Variants in GNAQ observed in about 807,000 individuals in gnomAD.
GNAQ encodes G protein subunit alpha q.
Under a neutral mutation model 43.9 loss-of-function variants are expected in GNAQ, and 8 were observed. The ratio of observed to expected loss-of-function variants is 0.18; its 90% CI spans 0.11 to 0.33. The LOEUF (loss-of-function observed/expected upper bound fraction) is 0.33, where lower values mean the gene tolerates loss of function less well. Ranked by LOEUF, GNAQ falls within the 10% of genes least tolerant of loss-of-function variation. The pLI, the probability that GNAQ is intolerant of heterozygous loss-of-function variation, is 1.00. For missense variants in GNAQ, 158 were observed against 450.8 expected (o/e 0.35, Z 5.88); for synonymous variants, 155 against 170.7 (o/e 0.91, Z 0.71).
chr9:77,739,448 T>C (rs941494249), intron 5 of GNAQ, among the ~76,000 whole-genome samples: 3 of 152,364 alleles, frequency 2.0e-5, no homozygotes, highest in Admixed American at 6.5e-5. Context: ...TCATTAACCA[T>C]GATTTTAATG....
rs561408567 is a variant in GNAQ, at chr9:77,796,310, G to C, written c.605+1210C>G. Reference sequence around the variant, plus strand: ...GGAATGAAGGTGGGCCTGCTAATCAGAATCACTTGGCAGAGTGACACAGGA... The same window carrying C: ...GGAATGAAGGTGGGCCTGCTAATCACAATCACTTGGCAGAGTGACACAGGA... On this transcript the variant is annotated intron_variant, in intron 4 of 6. Coordinates refer to ENST00000286548, the MANE Select transcript of GNAQ (RefSeq NM_002072.5). Among the ~76,000 whole-genome samples, 14 of 152,284 alleles carry C rather than the reference G, an allele frequency of 9.2e-5. No homozygotes were observed. In the East Asian group the frequency reaches 2.7e-3, roughly 29 times the overall value.
intron 2 of GNAQ, among the ~76,000 whole-genome samples, chr9:77,905,147 GC>G (rs1224198460): frequency 6.6e-6 from 1 of 152,160 alleles, no homozygotes; most frequent in Non-Finnish European, 1.5e-5. Context: ...TCCAGAAGTT[GC>G]CCATTCATTG....
intron 3 of GNAQ, among the ~76,000 whole-genome samples, chr9:77,800,852 GA>G (rs1470568686): frequency 1.3e-5 from 2 of 152,090 alleles, no homozygotes; most frequent in African/African-American, 4.8e-5. Context: ...TGTACATTTC[GA>G]AATCCACAAG....
At chr9:77,961,449 T>C (rs1823106262) in intron 1 of GNAQ, among the ~76,000 whole-genome samples, 1 of 152,106 alleles carries the variant, frequency 6.6e-6, no homozygotes, top group African/African-American at 2.4e-5. Flanking sequence ...TCTTGAGATG[T>C]GCAGAAGGGT....
chr9:77,887,356 T>C (rs933323609), intron 2 of GNAQ, among the ~76,000 whole-genome samples: 1 of 152,224 alleles, frequency 6.6e-6, no homozygotes, highest in African/African-American at 2.4e-5. Context: ...CCTATTCTTT[T>C]AGTCTGTAAT....
intron 1 of GNAQ, among the ~76,000 whole-genome samples, chr9:78,001,254 T>G (rs952746245): frequency 5.3e-5 from 8 of 151,690 alleles, no homozygotes; most frequent in African/African-American, 1.9e-4. Context: ...AAAAAAAAAT[T>G]GCCAGGCTTG....
At chr9:77,800,585 T>C (rs546297215) in intron 3 of GNAQ, among the ~76,000 whole-genome samples, 2 of 152,092 alleles carry the variant, frequency 1.3e-5, no homozygotes, top group Non-Finnish European at 2.9e-5. Flanking sequence ...GGGGGAGGGA[T>C]AGCATTGGGA....
At chr9:77,742,433 C>A (rs570056753) in intron 5 of GNAQ, among the ~76,000 whole-genome samples, 57 of 152,128 alleles carry the variant, frequency 3.7e-4, no homozygotes, top group Non-Finnish European at 7.2e-4. Flanking sequence ...TTGAAGGTTT[C>A]AATATTTTGC....
intron 1 of GNAQ, among the ~76,000 whole-genome samples, chr9:77,940,093 A>G (rs1829292937): frequency 6.6e-6 from 1 of 152,230 alleles, no homozygotes; most frequent in African/African-American, 2.4e-5. Flanking sequence ...ATATGATCCT[A>G]TTAAAAGTAT....
intron 1 of GNAQ, among the ~76,000 whole-genome samples, chr9:77,972,182 A>C (rs1823244783): frequency 6.6e-6 from 1 of 152,208 alleles, no homozygotes; most frequent in Non-Finnish European, 1.5e-5. Flanking sequence ...CTAGAAACAA[A>C]ATCATTAGTA....
intron 1 of GNAQ, among the ~76,000 whole-genome samples, chr9:77,954,436 C>T (rs771911184): frequency 6.6e-6 from 1 of 152,176 alleles, no homozygotes. Context: ...GAGAGCACTA[C>T]AATTTTTAGA....
At chr9:77,820,087 C>CAAAAAAAAAAAAAAAAAAGA (rs1827088378) in intron 2 of GNAQ, among the ~76,000 whole-genome samples, 1 of 104,992 alleles carries the variant, frequency 9.5e-6, no homozygotes, top group African/African-American at 4.1e-5. Context: ...ATTTAAAATG[C>CAAAAAAAAAAAAAAAAAAGA]AAAAAAAAAA....
rs559976941 is a variant in GNAQ at position 77,950,918 on chromosome 9, A to G, written c.137-28573T>C. Among the ~76,000 whole-genome samples, 16 of 152,256 alleles carry G rather than the reference A, an allele frequency of 1.1e-4. No homozygotes were observed. In the South Asian group the frequency reaches 3.3e-3, roughly 32 times the overall value. On this transcript the variant is annotated intron_variant, in intron 1 of 6. Coordinates refer to ENST00000286548, the MANE Select transcript of GNAQ (RefSeq NM_002072.5). ...GCTAAAAATACTATATTGTCATTGA[A>G]AACATCTATATTTAAAAAGGTTATA...
intron 5 of GNAQ, among the ~76,000 whole-genome samples, chr9:77,779,969 ATC>A (rs1826367562): frequency 6.6e-6 from 1 of 151,978 alleles, no homozygotes; most frequent in Non-Finnish European, 1.5e-5. Context: ...ATCACTGGTG[ATC>A]TCTTTTTTTC....
intron 5 of GNAQ, among the ~76,000 whole-genome samples, chr9:77,778,328 T>G (rs990482850): frequency 1.3e-5 from 2 of 151,934 alleles, no homozygotes; most frequent in East Asian, 3.9e-4. Context: ...TACAAGGTAC[T>G]TGTGCTACCC....
chr9:77,937,932 A>G (rs1829256560), intron 1 of GNAQ, among the ~76,000 whole-genome samples: 1 of 152,130 alleles, frequency 6.6e-6, no homozygotes, highest in Non-Finnish European at 1.5e-5. Context: ...AAGATAGAAG[A>G]GCTTGCTGCT....
intron 1 of GNAQ, among the ~76,000 whole-genome samples, chr9:77,994,113 C>A (rs1172572987): frequency 6.6e-6 from 1 of 152,162 alleles, no homozygotes; most frequent in Non-Finnish European, 1.5e-5. Flanking sequence ...ATCTCCTGGG[C>A]TCAAGTGATC....
At position 77,971,545 on chromosome 9, in the gene GNAQ, T is replaced by C. The variant is rs144421538; in HGVS notation, c.137-49200A>G. Among the ~76,000 whole-genome samples, 9 of 152,270 alleles carry C rather than the reference T, an allele frequency of 5.9e-5. No individual in the cohort carries two copies. In the South Asian group the frequency reaches 1.0e-3, roughly 18 times the overall value. ...GACAAAAACCACATGATCGTCTCAA[T>C]AGATGCAGAAAAGGCCTTCGACAAA... On this transcript the variant is annotated intron_variant, in intron 1 of 6. Transcript: ENST00000286548.
At position 77,851,118 on chromosome 9, in the gene GNAQ, T is replaced by C. The variant is rs142286400; in HGVS notation, c.322-35348A>G. ...TCCATACAAACCTGTGTTTATGAAT[T>C]GACACTTAACATACTTGTTTTACTC... On this transcript the variant is annotated intron_variant, in intron 2 of 6. Transcript: ENST00000286548. Among the ~76,000 whole-genome samples the C allele has an allele frequency of 1.5e-4, 23 of 152,344 alleles. No individual in the cohort carries two copies. In the East Asian group the frequency reaches 3.7e-3, roughly 24 times the overall value.
Sources: gnomAD v4.1 joint callset for allele counts (sites outside exome capture counted in the v4.1 genomes callset) on GRCh38, gnomAD v4.1.1 for gene constraint, MANE v1.5 for transcripts, NCBI Gene and HGNC (gene_info 2026-07-23, HGNC 2026-07-21) for gene names.